PDE10A: variants seen among roughly 807,000 people sequenced by gnomAD.
PDE10A encodes phosphodiesterase 10A.
In PDE10A, 39 loss-of-function variants were observed where a neutral mutation model predicts 97.7. That is an observed-to-expected ratio of 0.40 (90% CI 0.31 to 0.52). PDE10A has a LOEUF of 0.52. PDE10A is among the 20% of genes least tolerant of loss of function. PDE10A has a pLI of 0.56. For missense variants in PDE10A, 731 were observed against 1,047.8 expected, an observed-to-expected ratio of 0.70 and a Z score of 4.17; for synonymous variants, 371 against 376.8, an observed-to-expected ratio of 0.98 and a Z score of 0.18.
chr6:165,524,417 A>C, intron 2 of PDE10A, among the ~76,000 whole-genome samples: 1 of 152,162 alleles, frequency 6.6e-6, no homozygotes, highest in East Asian at 1.9e-4. Flanking sequence ...CTTGGCATAA[A>C]CTGTTTAGAA....
rs969973648 is a variant in PDE10A at position 165,332,680 on chromosome 6, A to C, written c.*345T>G. 4 of 256,904 alleles carry C rather than the reference A, an allele frequency of 1.6e-5. No homozygotes were observed. Among genetic ancestry groups the C allele is most frequent in the African/African-American group, 9.0e-5 (4 of 44,560 alleles). The allele number at this position is 256,904 out of a possible 1,614,324, so 15.9% of individuals were successfully genotyped here. On this transcript the variant is annotated 3_prime_UTR_variant, in exon 22 of 22. Coordinates refer to ENST00000539869, the MANE Select transcript of PDE10A (RefSeq NM_001385079.1). ...TTTTAAACCCTTATTAGAAAGATAC[A>C]ATGGAAAAGTACCCCTTCTGGATAA...
chr6:165,784,070 T>A (rs1003700672), intron 1 of PDE10A, among the ~76,000 whole-genome samples: 34 of 151,822 alleles, frequency 2.2e-4, no homozygotes, highest in African/African-American at 8.0e-4. Context: ...ATAAAAAAAT[T>A]AGCTGGGCGT....
intron 1 of PDE10A, among the ~76,000 whole-genome samples, chr6:165,945,139 T>C (rs1783725803): frequency 6.6e-6 from 1 of 152,202 alleles, no homozygotes; most frequent in Non-Finnish European, 1.5e-5. Flanking sequence ...GCTTCTGACT[T>C]GGTTGCTTAT....
rs529155613 is a variant in PDE10A at position 165,772,277 on chromosome 6, C to T, written c.-615+215252G>A. Among the ~76,000 whole-genome samples, 219 of 152,150 alleles carry T rather than the reference C, an allele frequency of 1.4e-3. 1 individual carries two copies. The highest frequency in any genetic ancestry group is 0.01 in the Middle Eastern group (3 of 294). On this transcript the variant is annotated intron_variant, in intron 1 of 19. Coordinates refer to the PDE10A transcript ENST00000366882. ...TCAGTGTTGAAATGGGATGCATGTC[C>T]GTTATTAAATGCAACAGGCTAAATG...
intron 2 of PDE10A, among the ~76,000 whole-genome samples, chr6:165,534,532 T>C (rs73039551): frequency 0.052 from 7,862 of 152,038 alleles, 319 homozygotes; most frequent in East Asian, 0.19. Flanking sequence ...CTAATGAACA[T>C]GATGAAAAAA....
intron 1 of PDE10A, among the ~76,000 whole-genome samples, chr6:165,688,585 T>C (rs955578075): frequency 4.6e-5 from 7 of 152,138 alleles, no homozygotes; most frequent in African/African-American, 1.7e-4. Context: ...ACTGTTGGTG[T>C]GATGGGCAGT....
At chr6:165,457,817 C>G (rs1778049757) in intron 3 of PDE10A, among the ~76,000 whole-genome samples, 1 of 152,152 alleles carries the variant, frequency 6.6e-6, no homozygotes, top group Non-Finnish European at 1.5e-5. Flanking sequence ...GCTAGTTTCA[C>G]CGGGAGGACA....
intron 1 of PDE10A, among the ~76,000 whole-genome samples, chr6:165,636,023 T>C (rs898255314): frequency 1.3e-5 from 2 of 152,254 alleles, no homozygotes; most frequent in Admixed American, 6.5e-5. Flanking sequence ...ATAGGAGCCA[T>C]TCCCATGACC....
At chr6:165,934,834 G>A (rs1165403663) in intron 1 of PDE10A, among the ~76,000 whole-genome samples, 1 of 152,174 alleles carries the variant, frequency 6.6e-6, no homozygotes, top group Non-Finnish European at 1.5e-5. Context: ...GTAAGTTTGA[G>A]AAACATTTTC....
intron 1 of PDE10A, among the ~76,000 whole-genome samples, chr6:165,809,115 C>T (rs936072891): frequency 6.6e-6 from 1 of 152,194 alleles, no homozygotes; most frequent in Non-Finnish European, 1.5e-5. Context: ...TGTAAGTGTA[C>T]ACAGCTCAGG....
Position 165,661,999 on chromosome 6 carries a change from A to T in PDE10A, c.813T>A (p.Pro271=). Residue 271 remains proline, a synonymous_variant, in exon 1 of 22, where the codon CCT becomes CCA. Transcript: ENST00000539869. This position sits in a 1 kb window ranked among gnomAD's most constrained non-coding sequence, Gnocchi z 4.8. ...LLFGSDMEDG[P]SNNASCFRRL... is the part of the protein sequence containing the mutation. ...TTCGGAAGCAGCTCGCATTATTAGA[A>T]GGTCCATCTTCCATGTCGGAGCCGA... 6.9e-7 allele frequency: 1 copy of T among 1,446,582 alleles called. No individual in the cohort carries two copies. Among genetic ancestry groups the T allele is most frequent in the Non-Finnish European group, 9.4e-7 (1 of 1,058,698 alleles). 89.6% of individuals were successfully genotyped at this position (1,446,582 alleles called of 1,614,324 possible). A position where few individuals can be genotyped will look rare whatever the true frequency, so the allele number is the denominator to read the frequency against.
chr6:165,979,976 A>T (rs929958704), intron 1 of PDE10A, among the ~76,000 whole-genome samples: 2 of 152,224 alleles, frequency 1.3e-5, no homozygotes. Flanking sequence ...TCTACAGCAA[A>T]ATCACAAACC....
chr6:165,920,543 T>TAC (rs55746374), intron 1 of PDE10A, among the ~76,000 whole-genome samples: 17,820 of 149,270 alleles, frequency 0.12, 1,377 homozygotes, highest in African/African-American at 0.21. Context: ...AGACTGGGCT[T>TAC]ACACACACAC....
chr6:165,684,058 A>G (rs1026314799), intron 1 of PDE10A, among the ~76,000 whole-genome samples: 1 of 151,694 alleles, frequency 6.6e-6, no homozygotes, highest in Non-Finnish European at 1.5e-5. Context: ...TTTTCTCAAA[A>G]CTCATGTTTG....
chr6:165,860,705 G>A (rs889365180), intron 1 of PDE10A, among the ~76,000 whole-genome samples: 2 of 152,174 alleles, frequency 1.3e-5, no homozygotes, highest in African/African-American at 4.8e-5. Context: ...TTGCAAATAC[G>A]GAACCTGTGA....
chr6:165,846,762 C>T (rs994625130), intron 1 of PDE10A, among the ~76,000 whole-genome samples: 2 of 152,200 alleles, frequency 1.3e-5, no homozygotes. Context: ...GAAGTGAGAG[C>T]CGCAAGCCCT....
At chr6:165,722,506 T>G (rs1792190232) in intron 1 of PDE10A, among the ~76,000 whole-genome samples, 1 of 152,186 alleles carries the variant, frequency 6.6e-6, no homozygotes, top group Admixed American at 6.5e-5. Context: ...CTAGTTTAAT[T>G]TATAAATAAG....
intron 1 of PDE10A, among the ~76,000 whole-genome samples, chr6:165,694,656 A>C (rs1791397911): frequency 6.6e-6 from 1 of 152,256 alleles, no homozygotes. Context: ...GGCAGATATC[A>C]CATGCCATGC....
intron 3 of PDE10A, among the ~76,000 whole-genome samples, chr6:165,479,128 T>C (rs1474260776): frequency 6.6e-6 from 1 of 152,194 alleles, no homozygotes; most frequent in Admixed American, 6.5e-5. Context: ...GTAACAGGTC[T>C]TGGATACTTT....
Sources: allele counts gnomAD v4.1 joint callset (sites outside exome capture counted in the v4.1 genomes callset), GRCh38; gene constraint gnomAD v4.1.1; non-coding constraint Gnocchi (gnomAD v3.1); transcripts MANE v1.5; gene names NCBI Gene and HGNC (gene_info 2026-07-23, HGNC 2026-07-21).